Variants in RNF150 observed in about 807,000 individuals in gnomAD.
RNF150 encodes ring finger protein 150.
In RNF150, 24 loss-of-function variants were observed where a neutral mutation model predicts 39.3. That is an observed-to-expected ratio of 0.61 (90% CI 0.44 to 0.86). The LOEUF (loss-of-function observed/expected upper bound fraction) is 0.86, where lower values mean the gene tolerates loss of function less well. Among genes scored for constraint, RNF150 ranks in the 40% least tolerant of loss-of-function variants. The probability of loss-of-function intolerance (pLI) is 0.00; values close to 1 mark genes in which losing one functional copy is unlikely to be tolerated. For missense variants in RNF150, 502 were observed against 587.8 expected (o/e 0.85, Z 1.51); for synonymous variants, 255 against 227.3 (o/e 1.12, Z -1.10).
At chr4:140,941,990 A>G (rs1395523654) in intron 4 of RNF150, among the ~76,000 whole-genome samples, 1 of 152,174 alleles carries the variant, frequency 6.6e-6, no homozygotes, top group Admixed American at 6.5e-5. Flanking sequence ...AAAATTCCAG[A>G]CTAGGGGAAT....
chr4:141,001,197 A>G (rs1734656695), intron 1 of RNF150, among the ~76,000 whole-genome samples: 1 of 152,178 alleles, frequency 6.6e-6, no homozygotes, highest in African/African-American at 2.4e-5. Context: ...ACATCTTTAA[A>G]TGTCTAACTG....
intron 1 of RNF150, among the ~76,000 whole-genome samples, chr4:141,074,402 C>T (rs568523751): frequency 8.1e-4 from 123 of 151,262 alleles, no homozygotes; most frequent in Non-Finnish European, 1.5e-3. Flanking sequence ...AAGCTTGATG[C>T]CTGTCTCAGT....
intron 1 of RNF150, among the ~76,000 whole-genome samples, chr4:141,149,562 T>C (rs1727262635): frequency 6.6e-6 from 1 of 152,258 alleles, no homozygotes; most frequent in Non-Finnish European, 1.5e-5. Flanking sequence ...CAAATGCCAT[T>C]ATTTTGTTCC....
At position 141,133,199 on chromosome 4, in the gene RNF150, C is replaced by T. The variant is rs1211284475; in HGVS notation, c.-391G>A. 7 of 233,518 alleles carry T rather than the reference C, an allele frequency of 3.0e-5. No individual in the cohort carries two copies. Among genetic ancestry groups the T allele is most frequent in the Non-Finnish European group, 5.8e-5 (7 of 120,862 alleles). The allele number at this position is 233,518 out of a possible 1,614,324, so 14.5% of individuals were successfully genotyped here. A position where few individuals can be genotyped will look rare whatever the true frequency, so the allele number is the denominator to read the frequency against. ...GCGGCCCTGCGCCCTCCAGCCCCGG[C>T]GGGGACGGGCACGATTGCTCGTAGT... On this transcript the variant is annotated 5_prime_UTR_variant, in exon 1 of 7. Transcript: ENST00000515673.
intron 1 of RNF150, among the ~76,000 whole-genome samples, chr4:141,062,540 A>G (rs557908816): frequency 1.0e-3 from 155 of 152,278 alleles, no homozygotes; most frequent in African/African-American, 3.6e-3. Context: ...TTAATACACA[A>G]TAGTGTTCTC....
intron 1 of RNF150, among the ~76,000 whole-genome samples, chr4:141,164,784 T>C (rs1265787653): frequency 6.6e-6 from 1 of 152,218 alleles, no homozygotes; most frequent in Non-Finnish European, 1.5e-5. Context: ...CAGGCTTGCC[T>C]TATGAGAGCT....
intron 1 of RNF150, among the ~76,000 whole-genome samples, chr4:141,158,130 A>G (rs1453840643): frequency 6.6e-6 from 1 of 152,114 alleles, no homozygotes; most frequent in African/African-American, 2.4e-5. Context: ...ATCTCTACTA[A>G]AAATACAAAA....
At chr4:140,938,772 C>T (rs776946928) in intron 4 of RNF150, among the ~76,000 whole-genome samples, 1 of 152,174 alleles carries the variant, frequency 6.6e-6, no homozygotes, top group Non-Finnish European at 1.5e-5. Flanking sequence ...CACTAAATGT[C>T]TCCCAGTGCT....
chr4:141,004,875 C>A (rs1409156254), intron 1 of RNF150, among the ~76,000 whole-genome samples: 1 of 152,060 alleles, frequency 6.6e-6, no homozygotes, highest in East Asian at 1.9e-4. Context: ...AAAGAATTGA[C>A]AAATCAGTAA....
chr4:141,042,961 T>C (rs1736424949), intron 1 of RNF150, among the ~76,000 whole-genome samples: 1 of 152,138 alleles, frequency 6.6e-6, no homozygotes, highest in Admixed American at 6.6e-5. Flanking sequence ...CAATTACTTT[T>C]ACACCAACCT....
chr4:140,892,418 A>T (rs1012376617), intron 6 of RNF150, among the ~76,000 whole-genome samples: 1 of 152,254 alleles, frequency 6.6e-6, no homozygotes, highest in African/African-American at 2.4e-5. Context: ...AGGGAGGGGA[A>T]GGACCTATAC....
chr4:140,899,970 C>CTGTGTG lies in RNF150; in HGVS notation c.1198+11173_1198+11174insCACACA, dbSNP rs777164803. 7.8e-4 allele frequency among the ~76,000 whole-genome samples: 105 copies of CTGTGTG among 135,394 alleles called. 1 individual carries two copies. Among genetic ancestry groups the CTGTGTG allele is most frequent in the African/African-American group, 2.9e-3 (100 of 34,146 alleles). The allele number at this position is 135,394 out of a possible 152,430, so 88.8% of individuals were successfully genotyped here. ...TCTCTCTCTCTCTCTCTCTCTCTCT[C>CTGTGTG]TCTCTGTGTGTGTGTGTGTGTGTGT... On this transcript the variant is annotated intron_variant, in intron 6 of 6. Transcript: ENST00000515673.
chr4:141,119,370 T>C (rs181523522), intron 1 of RNF150, among the ~76,000 whole-genome samples: 1 of 152,308 alleles, frequency 6.6e-6, no homozygotes, highest in Non-Finnish European at 1.5e-5. Context: ...ACAGGTAGGA[T>C]TTACCATCAA....
intron 2 of RNF150, among the ~76,000 whole-genome samples, chr4:140,961,771 A>G (rs1733033519): frequency 6.6e-6 from 1 of 152,092 alleles, no homozygotes; most frequent in Non-Finnish European, 1.5e-5. Flanking sequence ...CAATTCAAGG[A>G]AAGTTAACAA....
intron 1 of RNF150, among the ~76,000 whole-genome samples, chr4:141,188,684 T>G (rs1432284752): frequency 1.3e-5 from 2 of 152,210 alleles, no homozygotes; most frequent in Non-Finnish European, 2.9e-5. Context: ...TCATGCTGTG[T>G]TTTTCAGCTT....
intron 1 of RNF150, among the ~76,000 whole-genome samples, chr4:141,209,385 G>A (rs1300278050): frequency 2.0e-5 from 3 of 152,124 alleles, no homozygotes; most frequent in Non-Finnish European, 4.4e-5. Flanking sequence ...ATTGCATTAG[G>A]TGAATATGTA....
rs533250371 is a variant in RNF150, at chr4:140,950,367, C to G, written c.736-995G>C. Among the ~76,000 whole-genome samples the G allele has an allele frequency of 2.4e-4, 36 of 152,294 alleles. 1 individual carries two copies. Among genetic ancestry groups the G allele is most frequent in the Admixed American group, 2.2e-3 (33 of 15,300 alleles). ...AAAATAGTGAACACATATTAGTGAA[C>G]AGTTAATATATCCTAGGTGCCATGC... is the stretch of plus-strand genomic sequence containing the variant. On this transcript the variant is annotated intron_variant, in intron 2 of 6. Coordinates refer to ENST00000515673, the MANE Select transcript of RNF150 (RefSeq NM_020724.2).
chr4:140,949,995 T>C (rs1732482088), intron 2 of RNF150, among the ~76,000 whole-genome samples: 1 of 152,220 alleles, frequency 6.6e-6, no homozygotes, highest in Admixed American at 6.5e-5. Flanking sequence ...ATGATCCATG[T>C]CAAGAAATAA....
At chr4:141,195,178 A>G (rs190948420) in intron 1 of RNF150, among the ~76,000 whole-genome samples, 2 of 152,210 alleles carry the variant, frequency 1.3e-5, no homozygotes, top group African/African-American at 4.8e-5. Context: ...AGTTCCTCAC[A>G]GGCTACGAGG....
Sources: allele counts gnomAD v4.1 joint callset (sites outside exome capture counted in the v4.1 genomes callset), GRCh38; gene constraint gnomAD v4.1.1; transcripts MANE v1.5; gene names NCBI Gene and HGNC (gene_info 2026-07-23, HGNC 2026-07-21).